The following FERRY3 variants were observed in gnomAD, a reference collection of about 807,000 sequenced individuals.
The protein encoded by FERRY3 is protein C12orf4.
chr12:4,525,981 T>G, the FERRY3 span, among the ~76,000 whole-genome samples: 1 of 152,222 alleles, frequency 6.6e-6, no homozygotes, highest in South Asian at 2.1e-4. Flanking sequence ...TGAACTAAAG[T>G]GACTTCAACC....
chr12:4,497,914 C>T, the FERRY3 span, among the ~76,000 whole-genome samples: 3 of 152,264 alleles, frequency 2.0e-5, no homozygotes, highest in South Asian at 4.1e-4. Context: ...GAAAATGCTT[C>T]GGGATGCTTG....
the FERRY3 span, among the ~76,000 whole-genome samples, chr12:4,490,334 T>C: frequency 1.3e-5 from 2 of 152,214 alleles, no homozygotes; most frequent in Admixed American, 6.5e-5. Flanking sequence ...CCTTGAGTGG[T>C]AGATGCTAAT....
chr12:4,489,641 G>A, the FERRY3 span: 1 of 479,300 alleles, frequency 2.1e-6, no homozygotes, highest in Non-Finnish European at 3.7e-6. Context: ...ACCAGTTTGT[G>A]CAGTATATAA....
chr12:4,507,279 C>T, the FERRY3 span, among the ~76,000 whole-genome samples: 2 of 151,814 alleles, frequency 1.3e-5, no homozygotes, highest in African/African-American at 4.8e-5. Flanking sequence ...GTTCTTTTTG[C>T]GAGGGTTGAT....
the FERRY3 span, among the ~76,000 whole-genome samples, chr12:4,521,315 C>T: frequency 9.2e-5 from 14 of 152,034 alleles, no homozygotes; most frequent in African/African-American, 3.4e-4. Context: ...GCCAAGATCG[C>T]GGCATTGTAG....
chr12:4,493,121 T>C, the FERRY3 span, among the ~76,000 whole-genome samples: 1 of 152,220 alleles, frequency 6.6e-6, no homozygotes, highest in African/African-American at 2.4e-5. Context: ...CAGTATTTCC[T>C]ATTTTTCCAG....
At chr12:4,508,606 AC>A in the FERRY3 span, among the ~76,000 whole-genome samples, 1 of 152,182 alleles carries the variant, frequency 6.6e-6, no homozygotes, top group African/African-American at 2.4e-5. Context: ...TTAGCCAGGC[AC>A]GGTGGTACAC....
At chr12:4,527,203 A>G in the FERRY3 span, among the ~76,000 whole-genome samples, 4 of 152,202 alleles carry the variant, frequency 2.6e-5, no homozygotes, top group Admixed American at 6.5e-5. Flanking sequence ...TTAAAGAAAT[A>G]TCTAGAATCT....
At chr12:4,510,176 A>G in the FERRY3 span, among the ~76,000 whole-genome samples, 4,176 of 116,548 alleles carry the variant, frequency 0.036, 84 homozygotes, top group African/African-American at 0.095. Flanking sequence ...GAAATGAAGC[A>G]AGAAGGGAAG....
chr12:4,529,953 A>C, the FERRY3 span: 1 of 1,613,480 alleles, frequency 6.2e-7, no homozygotes, highest in Non-Finnish European at 8.5e-7. Context: ...CAAATTTAAG[A>C]GAGTTTCAGA....
chr12:4,506,021 C>CT, the FERRY3 span, among the ~76,000 whole-genome samples: 1 of 151,814 alleles, frequency 6.6e-6, no homozygotes, highest in East Asian at 1.9e-4. Context: ...AGTTTTTCTT[C>CT]TTTTTTGAAG....
At chr12:4,502,317 C>T in the FERRY3 span, 17 of 405,224 alleles carry the variant, frequency 4.2e-5, no homozygotes, top group Admixed American at 3.1e-4. The surrounding 1 kb of genome is among the most constrained non-coding windows in gnomAD (Gnocchi z 4.2). Flanking sequence ...GCACCTGGCA[C>T]GTAGAAGGTA....
the FERRY3 span, among the ~76,000 whole-genome samples, chr12:4,535,087 G>A: frequency 7.3e-4 from 111 of 152,286 alleles, 1 homozygote; most frequent in African/African-American, 2.5e-3. The surrounding 1 kb of genome is among the most constrained non-coding windows in gnomAD (Gnocchi z 4.0). Context: ...ATGACTGACC[G>A]ATTTCAGTTT....
chr12:4,516,470 C>A, the FERRY3 span, among the ~76,000 whole-genome samples: 17 of 152,220 alleles, frequency 1.1e-4, no homozygotes, highest in East Asian at 1.3e-3. Context: ...AACCTGAATG[C>A]CCATCAATGA....
At chr12:4,509,330 C>T in the FERRY3 span, 7 of 180,476 alleles carry the variant, frequency 3.9e-5, no homozygotes, top group Non-Finnish European at 5.5e-5. Flanking sequence ...GAGGGGCGCC[C>T]GCCATTGCCC....
chr12:4,525,161 A>AAGAC, the FERRY3 span: 16 of 1,435,788 alleles, frequency 1.1e-5, no homozygotes, highest in Non-Finnish European at 1.5e-5. Context: ...GCAAATTAAA[A>AAGAC]AGACATACAG....
chr12:4,536,664 G>T, the FERRY3 span, among the ~76,000 whole-genome samples: 1 of 152,106 alleles, frequency 6.6e-6, no homozygotes, highest in African/African-American at 2.4e-5. Context: ...ATCCGACTGG[G>T]GGAAGGGGAG....
the FERRY3 span, among the ~76,000 whole-genome samples, chr12:4,526,617 G>A: frequency 6.6e-6 from 1 of 152,008 alleles, no homozygotes; most frequent in East Asian, 1.9e-4. Context: ...CGAGGTGGGC[G>A]GATCACCTGA....
At chr12:4,495,912 C>A in the FERRY3 span, among the ~76,000 whole-genome samples, 1 of 152,118 alleles carries the variant, frequency 6.6e-6, no homozygotes, top group Admixed American at 6.5e-5. Flanking sequence ...TGTGACAGGA[C>A]CCTAGCAAAT....
Sources: allele counts gnomAD v4.1 joint callset (sites outside exome capture counted in the v4.1 genomes callset), GRCh38; gene constraint gnomAD v4.1.1; non-coding constraint Gnocchi (gnomAD v3.1); transcripts MANE v1.5; gene names NCBI Gene and HGNC (gene_info 2026-07-23, HGNC 2026-07-21).